The following EVC variants were observed in gnomAD, a reference collection of about 807,000 sequenced individuals.
EVC encodes evC complex member EVC.
Under a neutral mutation model 118.9 loss-of-function variants are expected in EVC, and 116 were observed. That is an observed-to-expected ratio of 0.98 (90% CI 0.84 to 1.14). The LOEUF is 1.14. EVC is among the 50% of genes most tolerant of loss of function. The pLI, the probability that EVC is intolerant of heterozygous loss-of-function variation, is 0.00. For missense variants in EVC, 1,401 were observed against 1,246.4 expected (o/e 1.12, Z -1.87); for synonymous variants, 619 against 534.7 (o/e 1.16, Z -2.18).
Position 5,745,335 on chromosome 4 carries a change from C to T in EVC, c.933C>T (p.Ile311=), listed in dbSNP as rs759718572. The T allele has an allele frequency of 1.1e-5, 18 of 1,613,658 alleles. No homozygotes were observed. The South Asian group carries it at 1.2e-4, about 11-fold the overall frequency. The change falls in exon 7 of 21, where the codon ATC becomes ATT. Residue 311 remains isoleucine, a synonymous_variant. Coordinates refer to ENST00000264956, the MANE Select transcript of EVC (RefSeq NM_153717.3). ...AGAGAGAATACTCTGAACAGCTAAT[C>T]GATAATGTGCGTGCCAGACTTTCTT... ...KKEREYSEQL[I]DNMEAFWKQM...
chr4:5,818,411 C>T (rs1560464072), downstream of EVC, among the ~76,000 whole-genome samples: 3 of 152,258 alleles, frequency 2.0e-5, no homozygotes, highest in South Asian at 6.2e-4. Flanking sequence ...GTCTGGATTC[C>T]AAACTCATTT....
At chr4:5,766,577 A>G (rs1440278306) in intron 11 of EVC, among the ~76,000 whole-genome samples, 1 of 123,974 alleles carries the variant, frequency 8.1e-6, no homozygotes, top group African/African-American at 3.2e-5. Context: ...ACATAGTCCC[A>G]TATTTCTTGG....
chr4:5,783,680 C>A lies in EVC; in HGVS notation c.1692C>A (p.Asn564Lys). ...CDYLRQEVQE[N>K]AAWQLGKSNR... ...ACTTGAGGCAGGAAGTCCAGGAGAA[C>A]GCTGCCTGGCAGCTGGGGAAGTCAA... The change falls in exon 12 of 21, where the codon AAC (asparagine) becomes AAA (lysine). Residue 564 changes from asparagine (N) to lysine (K), a missense_variant. By Grantham distance (94) the Asn-to-Lys change is moderately conservative. Transcript: ENST00000264956. 1 of 1,613,894 alleles carries A rather than the reference C, an allele frequency of 6.2e-7. No homozygotes were observed. The highest frequency in any genetic ancestry group is 2.2e-5 in the East Asian group (1 of 44,870).
chr4:5,772,142 C>T (rs185618322), intron 11 of EVC, among the ~76,000 whole-genome samples: 35 of 152,248 alleles, frequency 2.3e-4, no homozygotes, highest in African/African-American at 5.8e-4. Flanking sequence ...GCGATCCGCC[C>T]GCCTCGGCAT....
At chr4:5,736,351 C>T (rs1273986312) in intron 5 of EVC, among the ~76,000 whole-genome samples, 1 of 152,098 alleles carries the variant, frequency 6.6e-6, no homozygotes, top group African/African-American at 2.4e-5. Flanking sequence ...TGAAGAAGGT[C>T]TGTAGACAGC....
At chr4:5,753,158 G>C in intron 9 of EVC, 106 bp downstream of exon 9, 1 of 1,106,460 alleles carries the variant, frequency 9.0e-7, no homozygotes, top group Non-Finnish European at 1.3e-6. Context: ...CCATGATGCC[G>C]GGCACAGGCT....
chr4:5,718,915 G>A (rs1724452016), intron 1 of EVC, among the ~76,000 whole-genome samples: 1 of 152,188 alleles, frequency 6.6e-6, no homozygotes, highest in South Asian at 2.1e-4. Flanking sequence ...AGAGCTCCCA[G>A]TCCAATGGGG....
In EVC at chr4:5,755,617, C is replaced by T. The variant is rs1402883780; in HGVS notation, c.1465-647C>T. Among the ~76,000 whole-genome samples, 3 of 152,138 alleles carry T rather than the reference C, an allele frequency of 2.0e-5. 1 individual carries two copies. The highest frequency in any genetic ancestry group is 2.0e-4 in the Admixed American group (3 of 15,286). On this transcript the variant is annotated intron_variant, in intron 10 of 20. Coordinates refer to ENST00000264956, the MANE Select transcript of EVC (RefSeq NM_153717.3). The surrounding 1 kb of genome is among the most constrained non-coding windows in gnomAD (Gnocchi z 4.1). ...CGCTGAGCCTGGCTCCCCATCTTCC[C>T]TCCAAGGAGTCCTTCCTTGTCCTTA...
chr4:5,725,383 C>G (rs544382661), intron 2 of EVC, among the ~76,000 whole-genome samples: 60 of 152,312 alleles, frequency 3.9e-4, no homozygotes, highest in African/African-American at 1.3e-3. Context: ...TCACCAGCAT[C>G]TGTTGTTTCT....
intron 2 of EVC, among the ~76,000 whole-genome samples, chr4:5,727,181 C>T (rs1300743311): frequency 3.3e-5 from 5 of 151,854 alleles, no homozygotes; most frequent in African/African-American, 1.2e-4. Flanking sequence ...AGTTTACAGT[C>T]CCACCAACAG....
Position 5,729,336 on chromosome 4 carries a change from C to G in EVC, c.330C>G (p.Ile110Met), listed in dbSNP as rs767361058. Reference sequence around the variant, plus strand: ...GTGAGCCGCCTTCCAACAGCAATATCACAGCATTCGCCCTGAAGGCCAAAG... The same window carrying G: ...GTGAGCCGCCTTCCAACAGCAATATGACAGCATTCGCCCTGAAGGCCAAAG... ...DECEPPSNSN[I>M]TAFALKAKVI... Residue 110 changes from isoleucine to methionine, a missense_variant, in exon 3 of 21, where the codon ATC becomes ATG. By Grantham distance (10) the Ile-to-Met change is conservative. Coordinates refer to ENST00000264956, the MANE Select transcript of EVC (RefSeq NM_153717.3). 1.9e-6 allele frequency: 3 copies of G among 1,614,030 alleles called. No individual in the cohort carries two copies. The highest frequency in any genetic ancestry group is 1.3e-5 in the African/African-American group (1 of 74,898).
Position 5,798,689 on chromosome 4 carries a change from A to C in EVC, c.2201A>C (p.Gln734Pro). 4 of 1,606,446 alleles carry C rather than the reference A, an allele frequency of 2.5e-6. No homozygotes were observed. The highest frequency in any genetic ancestry group is 3.4e-6 in the Non-Finnish European group (4 of 1,178,136). Residue 734 changes from glutamine (Q) to proline (P), a missense_variant, in exon 15 of 21, where the codon CAG becomes CCG. Transcript: ENST00000264956. The surrounding 1 kb of genome is among the most constrained non-coding windows in gnomAD (Gnocchi z 4.1). Reference sequence around the variant, plus strand: ...CTGGCCGAGGCCCAGGAGGTGGGGCAGCTTCTGCAGCAGCACATGGAGTGC... The same window carrying C: ...CTGGCCGAGGCCCAGGAGGTGGGGCCGCTTCTGCAGCAGCACATGGAGTGC... ...RLLAEAQEVG[Q>P]LLQQHMECAI...
chr4:5,804,977 C>A, intron 17 of EVC, 136 bp downstream of exon 17: 1 of 764,546 alleles, frequency 1.3e-6, no homozygotes, highest in Non-Finnish European at 2.3e-6. Context: ...TCCTCACCCG[C>A]TGCCTCTGTC....
At position 5,731,201 on chromosome 4, in the gene EVC, G is replaced by C. The variant is rs539091797; in HGVS notation, c.385-224G>C. Among the ~76,000 whole-genome samples the C allele has an allele frequency of 6.6e-6, 1 of 152,084 alleles. No homozygotes were observed. Among genetic ancestry groups the C allele is most frequent in the South Asian group, 2.1e-4 (1 of 4,804 alleles). The stretch of plus-strand genomic sequence containing the variant: ...TAGGGGAAGGAACCTGGTGCAGAGG[G>C]GCTGGCCTTGTGAGGACAAGTGAAC... On this transcript the variant is annotated intron_variant, in intron 3 of 20. Transcript: ENST00000264956. This position sits in a 1 kb window ranked among gnomAD's most constrained non-coding sequence, Gnocchi z 5.6.
At chr4:5,726,233 G>A (rs965673041) in intron 2 of EVC, among the ~76,000 whole-genome samples, 2 of 152,236 alleles carry the variant, frequency 1.3e-5, no homozygotes, top group South Asian at 4.1e-4. Context: ...TGACACAGAT[G>A]CAGTTTTCTT....
At chr4:5,721,751 C>T (rs561772757) in intron 2 of EVC, among the ~76,000 whole-genome samples, 5 of 152,146 alleles carry the variant, frequency 3.3e-5, no homozygotes, top group Admixed American at 6.5e-5. Context: ...CCTGTAGTCC[C>T]AGCTACTTAG....
rs2302075 is a variant in EVC, at chr4:5,753,815, C to G, written c.1346C>G (p.Thr449Arg). ...EFVQRGKDLV[T>R]ASLAHQVEGT... Reference sequence around the variant, plus strand: ...GTCCAGCGAGGCAAAGACCTGGTCACGGCGTCTCTGGCTCACCAGGTGGAG... The same window carrying G: ...GTCCAGCGAGGCAAAGACCTGGTCAGGGCGTCTCTGGCTCACCAGGTGGAG... The change falls in exon 10 of 21, where the codon ACG becomes AGG. Residue 449 changes from threonine to arginine, a missense_variant. Coordinates refer to ENST00000264956, the MANE Select transcript of EVC (RefSeq NM_153717.3). The G allele has an allele frequency of 6.2e-7, 1 of 1,614,032 alleles. No homozygotes were observed. The highest frequency in any genetic ancestry group is 8.5e-7 in the Non-Finnish European group (1 of 1,179,988).
rs1278679647 is a variant in EVC at position 5,731,825 on chromosome 4, TC to T, written c.617+170del. ...CGGAGCCCCAGAGGCCTTTGTCACT[TC>T]CTGTGCTGTATTGCCCAACACTGGG... On this transcript the variant is annotated intron_variant, in intron 4 of 20. Coordinates refer to ENST00000264956, the MANE Select transcript of EVC (RefSeq NM_153717.3). This position sits in a 1 kb window ranked among gnomAD's most constrained non-coding sequence, Gnocchi z 5.6. Among the ~76,000 whole-genome samples the T allele has an allele frequency of 1.3e-5, 2 of 152,072 alleles. No individual in the cohort carries two copies. The highest frequency in any genetic ancestry group is 2.9e-5 in the Non-Finnish European group (2 of 67,998).
At chr4:5,712,077 G>A (rs4045834) in intron 1 of EVC, among the ~76,000 whole-genome samples, 125,715 of 152,212 alleles carry the variant, frequency 0.83, 52,188 homozygotes, top group African/African-American at 0.9. Context: ...ATTCATGAGC[G>A]GGAGAGACCC....
Sources: gnomAD v4.1 joint callset for allele counts (sites outside exome capture counted in the v4.1 genomes callset) on GRCh38, gnomAD v4.1.1 for gene constraint, Gnocchi (gnomAD v3.1) non-coding constraint, MANE v1.5 for transcripts, NCBI Gene and HGNC (gene_info 2026-07-23, HGNC 2026-07-21) for gene names.